The following NECTIN1 variants were observed in gnomAD, a reference collection of about 807,000 sequenced individuals.
NECTIN1 encodes the protein nectin-1.
NECTIN1 carries 23 observed loss-of-function variants against 48.0 expected under a neutral mutation model. That is an observed-to-expected ratio of 0.48 (90% CI 0.34 to 0.68). The LOEUF (loss-of-function observed/expected upper bound fraction) is 0.68. Among genes scored for constraint, NECTIN1 ranks in the 30% least tolerant of loss-of-function variants. NECTIN1 has a pLI of 0.01. For synonymous variants in NECTIN1, 270 were observed against 288.9 expected (o/e 0.93, Z 0.66); for missense variants, 591 against 709.9 (o/e 0.83, Z 1.90).
intron 1 of NECTIN1, among the ~76,000 whole-genome samples, chr11:119,701,612 C>T (rs1238253035): frequency 3.9e-5 from 6 of 152,140 alleles, no homozygotes; most frequent in Admixed American, 6.5e-5. Flanking sequence ...CCAAACCTGG[C>T]CTCTCCCAGA....
At chr11:119,655,050 C>G (rs1488655007) in intron 5 of NECTIN1, among the ~76,000 whole-genome samples, 1 of 151,984 alleles carries the variant, frequency 6.6e-6, no homozygotes, top group Non-Finnish European at 1.5e-5. Flanking sequence ...GCTGGGATTA[C>G]AGGCACCCAC....
At position 119,662,942 on chromosome 11, in the gene NECTIN1, AACG is replaced by A. The variant is rs773193918; in HGVS notation, c.*1802_*1804del. The A allele has an allele frequency of 2.9e-4, 283 of 982,744 alleles. No individual in the cohort carries two copies. Among genetic ancestry groups the A allele is most frequent in the Non-Finnish European group, 3.3e-4 (277 of 828,830 alleles). 60.9% of individuals were successfully genotyped at this position (982,744 alleles called of 1,614,324 possible). ...GGGGCCAGGGCAGTGAGGGCCAGACAACGACGACCCACCTGCTGGGCCCAGGGT... is the reference window on the plus strand; with the variant it reads ...GGGGCCAGGGCAGTGAGGGCCAGACAACGACCCACCTGCTGGGCCCAGGGT... On this transcript the variant is annotated 3_prime_UTR_variant, in exon 6 of 6. Transcript: ENST00000264025. This position sits in a 1 kb window ranked among gnomAD's most constrained non-coding sequence, Gnocchi z 5.3.
At chr11:119,671,231 C>A (rs549011622) in intron 5 of NECTIN1, among the ~76,000 whole-genome samples, 7 of 152,128 alleles carry the variant, frequency 4.6e-5, no homozygotes, top group African/African-American at 1.7e-4. Context: ...TAGCTCCTGT[C>A]TCTGTGCCAG....
intron 5 of NECTIN1, among the ~76,000 whole-genome samples, chr11:119,671,601 G>A (rs1864862723): frequency 6.6e-6 from 1 of 152,172 alleles, no homozygotes; most frequent in Non-Finnish European, 1.5e-5. Context: ...CGAAACCAAT[G>A]CCTGGCGCTT....
chr11:119,722,288 CA>C (rs1865843612), intron 1 of NECTIN1, among the ~76,000 whole-genome samples: 1 of 152,228 alleles, frequency 6.6e-6, no homozygotes, highest in Admixed American at 6.5e-5. Flanking sequence ...AGTATTATGA[CA>C]ATTTGCAAAA....
intron 5 of NECTIN1, among the ~76,000 whole-genome samples, chr11:119,651,755 T>A (rs1864493979): frequency 6.6e-6 from 1 of 152,114 alleles, no homozygotes; most frequent in Non-Finnish European, 1.5e-5. Flanking sequence ...TTGCAGTAGA[T>A]CATGGAGATG....
intron 1 of NECTIN1, among the ~76,000 whole-genome samples, chr11:119,719,267 T>C (rs749441469): frequency 3.3e-5 from 5 of 152,122 alleles, no homozygotes; most frequent in African/African-American, 4.8e-5. Context: ...GGAATGTGAA[T>C]AAGAAGGTGC....
At chr11:119,640,216 C>G in intron 5 of NECTIN1, 1 of 618,458 alleles carries the variant, frequency 1.6e-6, no homozygotes, top group East Asian at 2.8e-5. Context: ...CCCTATGACC[C>G]TGTAACCCCA....
intron 1 of NECTIN1, among the ~76,000 whole-genome samples, chr11:119,693,456 G>A (rs1032628741): frequency 1.3e-5 from 2 of 152,242 alleles, no homozygotes; most frequent in Admixed American, 1.3e-4. Flanking sequence ...AGTCCCCTCA[G>A]CCTCGGGCCA....
chr11:119,722,301 G>T (rs1443309229), intron 1 of NECTIN1, among the ~76,000 whole-genome samples: 1 of 152,226 alleles, frequency 6.6e-6, no homozygotes, highest in Non-Finnish European at 1.5e-5. Flanking sequence ...TTTGCAAAAG[G>T]ATTCAGTCTG....
At chr11:119,681,946 G>C (rs902753164) in intron 1 of NECTIN1, among the ~76,000 whole-genome samples, 1 of 152,186 alleles carries the variant, frequency 6.6e-6, no homozygotes. Flanking sequence ...CCCATGGGGT[G>C]AGCATAAGGG....
chr11:119,669,126 T>G (rs898144921), intron 5 of NECTIN1, among the ~76,000 whole-genome samples: 1 of 152,208 alleles, frequency 6.6e-6, no homozygotes, highest in African/African-American at 2.4e-5. Context: ...TAATTGAAAA[T>G]GCAGGCTGGG....
At chr11:119,675,677 G>A (rs754463277) in intron 4 of NECTIN1, 7 of 264,018 alleles carry the variant, frequency 2.7e-5, no homozygotes, top group Non-Finnish European at 5.2e-5. Context: ...CACGTCTCAT[G>A]GTTGTTGGTC....
rs377549629 is a variant in NECTIN1 at position 119,650,264 on chromosome 11, CAG to C, written c.1004-10254_1004-10253del. ...CATCTGGATGTGTACGTGCAGGTCA[CAG>C]GGGATATGATGGCTTAGCCTGGGCT... On this transcript the variant is annotated intron_variant, in intron 5 of 7. Transcript: ENST00000341398. 1.8e-3 allele frequency among the ~76,000 whole-genome samples: 268 copies of C among 152,298 alleles called. 1 individual carries two copies. Among genetic ancestry groups the C allele is most frequent in the African/African-American group, 6.3e-3 (261 of 41,568 alleles).
rs553342184 is a variant in NECTIN1 at position 119,677,053 on chromosome 11, G to A, written c.851+49C>T. The stretch of plus-strand genomic sequence containing the variant: ...GGATGGTTGCCCCTCATCACCCGTG[G>A]TCCAGTCAGCTGTCTTCCAAGGTGA... On this transcript the variant is annotated intron_variant, in intron 4 of 5. Coordinates refer to ENST00000264025, the MANE Select transcript of NECTIN1 (RefSeq NM_002855.5). The surrounding 1 kb of genome is among the most constrained non-coding windows in gnomAD (Gnocchi z 5.4). 2.7e-5 allele frequency: 41 copies of A among 1,521,078 alleles called. 1 individual carries two copies. The South Asian group carries it at 4.4e-4, about 16-fold the overall frequency. The allele number at this position is 1,521,078 out of a possible 1,614,324, so 94.2% of individuals were successfully genotyped here.
chr11:119,718,700 A>G (rs1474208259), intron 1 of NECTIN1, among the ~76,000 whole-genome samples: 8 of 152,162 alleles, frequency 5.3e-5, no homozygotes, highest in Non-Finnish European at 1.5e-5. Flanking sequence ...GGGGGCCCAA[A>G]TGGTATCAGT....
chr11:119,657,920 CA>C (rs61352311), downstream of NECTIN1, among the ~76,000 whole-genome samples: 109 of 78,236 alleles, frequency 1.4e-3, no homozygotes, highest in Middle Eastern at 9.6e-3. Flanking sequence ...GACCCCGTCT[CA>C]AAAAAAAAAA....
chr11:119,669,215 C>T (rs559929286), intron 5 of NECTIN1, among the ~76,000 whole-genome samples: 1 of 152,280 alleles, frequency 6.6e-6, no homozygotes, highest in South Asian at 2.1e-4. Flanking sequence ...AGTTCAAGAC[C>T]AGCCTGACCA....
chr11:119,724,884 C>G (rs945793952), intron 1 of NECTIN1, among the ~76,000 whole-genome samples: 4 of 152,178 alleles, frequency 2.6e-5, no homozygotes, highest in African/African-American at 9.6e-5. Flanking sequence ...GGCTCATGAC[C>G]ATTTTAGCCT....
Sources: allele counts gnomAD v4.1 joint callset (sites outside exome capture counted in the v4.1 genomes callset), GRCh38; gene constraint gnomAD v4.1.1; non-coding constraint Gnocchi (gnomAD v3.1); transcripts MANE v1.5; gene names NCBI Gene and HGNC (gene_info 2026-07-23, HGNC 2026-07-21).